Variants in LAMA2 observed in about 807,000 individuals in gnomAD.
LAMA2 encodes the protein laminin subunit alpha 2.
Under a neutral mutation model 364.8 loss-of-function variants are expected in LAMA2, and 269 were observed. That is an observed-to-expected ratio of 0.74 (90% CI 0.67 to 0.82). The LOEUF is 0.82. LAMA2 is among the 40% of genes least tolerant of loss of function. LAMA2 has a pLI of 0.00. For synonymous variants in LAMA2, 1,379 were observed against 1,370.6 expected (o/e 1.01, Z -0.14); for missense variants, 3,807 against 3,873.2 (o/e 0.98, Z 0.45).
chr6:129,233,546 A>G (rs1784803434), intron 12 of LAMA2, among the ~76,000 whole-genome samples: 1 of 152,170 alleles, frequency 6.6e-6, no homozygotes, highest in African/African-American at 2.4e-5. Flanking sequence ...ATTTGTGTTA[A>G]TCAAGTGAAA....
Position 129,177,716 on chromosome 6 carries a change from T to C in LAMA2, c.1317T>C (p.Pro439=), listed in dbSNP as rs972212894. The C allele has an allele frequency of 1.2e-6, 2 of 1,613,986 alleles. No homozygotes were observed. Among genetic ancestry groups the C allele is most frequent in the Non-Finnish European group, 8.5e-7 (1 of 1,179,910 alleles). ...DEKHARRGLA[P]GSCHCKTGFG... is the part of the protein sequence containing the mutation. ...CTCATCTTTCTTTAGGTTTGGCACC[T>C]GGATCCTGTCATTGCAAAACTGGTT... is the stretch of plus-strand genomic sequence containing the variant. Residue 439 remains proline (P), a synonymous_variant, in exon 10 of 65, where the codon CCT becomes CCC. Transcript: ENST00000421865.
intron 4 of LAMA2, among the ~76,000 whole-genome samples, chr6:129,114,068 T>C (rs1583065674): frequency 6.6e-6 from 1 of 151,960 alleles, no homozygotes; most frequent in South Asian, 2.1e-4. Context: ...ATACTAAAAT[T>C]TGTTTTAAAT....
At chr6:129,039,910 G>C (rs1026142447) in intron 1 of LAMA2, among the ~76,000 whole-genome samples, 3 of 152,178 alleles carry the variant, frequency 2.0e-5, no homozygotes, top group Admixed American at 6.5e-5. Flanking sequence ...GCCACAGGCT[G>C]GTACTGGTCT....
At chr6:129,033,492 T>C (rs1786384630) in intron 1 of LAMA2, among the ~76,000 whole-genome samples, 1 of 152,200 alleles carries the variant, frequency 6.6e-6, no homozygotes, top group African/African-American at 2.4e-5. Context: ...GCTCCTAGCA[T>C]AGCAATTAGT....
chr6:129,320,416 G>A, intron 27 of LAMA2, 122 bp from the exon 28 acceptor site: 2 of 748,836 alleles, frequency 2.7e-6, no homozygotes, highest in Non-Finnish European at 2.5e-6. Flanking sequence ...AAAACAAAAA[G>A]ACAATAGAAC....
At chr6:129,229,568 A>G (rs1349322114) in intron 12 of LAMA2, among the ~76,000 whole-genome samples, 1 of 152,194 alleles carries the variant, frequency 6.6e-6, no homozygotes, top group Non-Finnish European at 1.5e-5. Context: ...TAGGGTTAGT[A>G]TGATTGTTAC....
At chr6:128,987,140 G>GTTTTTTTTTTTTTT (rs764115716) in intron 1 of LAMA2, among the ~76,000 whole-genome samples, 7 of 121,358 alleles carry the variant, frequency 5.8e-5, no homozygotes, top group Non-Finnish European at 9.9e-5. Context: ...TTTTTTTTTT[G>GTTTTTTTTTTTTTT]TTTTTTTTTT....
intron 8 of LAMA2, among the ~76,000 whole-genome samples, chr6:129,159,482 G>A (rs1779331577): frequency 6.6e-6 from 1 of 152,206 alleles, no homozygotes. Flanking sequence ...GCCGGGGAGA[G>A]CGGCTTTCCT....
chr6:129,050,027 T>G lies in LAMA2; in HGVS notation c.222T>G (p.Pro74=). 1 of 1,614,156 alleles carries G rather than the reference T, an allele frequency of 6.2e-7. No individual in the cohort carries two copies. The highest frequency in any genetic ancestry group is 1.1e-5 in the South Asian group (1 of 91,078). The stretch of plus-strand genomic sequence containing the variant: ...ACTGCAAATTGGTAGAACATGTCCC[T>G]GGGCAGCCTGTGAGGAACCCGCAGT... ...EMYCKLVEHV[P]GQPVRNPQCR... is the part of the protein sequence containing the mutation. Residue 74 remains proline, a synonymous_variant, in exon 2 of 65, where the codon CCT becomes CCG. Coordinates refer to ENST00000421865, the MANE Select transcript of LAMA2 (RefSeq NM_000426.4).
chr6:128,978,711 G>A (rs1309324702), intron 1 of LAMA2, among the ~76,000 whole-genome samples: 1 of 152,184 alleles, frequency 6.6e-6, no homozygotes, highest in African/African-American at 2.4e-5. Flanking sequence ...CATTTGACTT[G>A]AGAAAAGATA....
chr6:128,986,712 ACAAT>A (rs1783260701), intron 1 of LAMA2, among the ~76,000 whole-genome samples: 1 of 152,178 alleles, frequency 6.6e-6, no homozygotes, highest in South Asian at 2.1e-4. Flanking sequence ...CTAGGCATCT[ACAAT>A]CAAATTACCT....
chr6:129,101,902 G>C (rs1052948435), intron 4 of LAMA2, among the ~76,000 whole-genome samples: 2 of 151,972 alleles, frequency 1.3e-5, no homozygotes, highest in Non-Finnish European at 2.9e-5. Flanking sequence ...AAAATGACTT[G>C]GAACTTTTTA....
At chr6:129,075,568 A>T (rs1362050971) in intron 3 of LAMA2, among the ~76,000 whole-genome samples, 1 of 152,190 alleles carries the variant, frequency 6.6e-6, no homozygotes, top group Non-Finnish European at 1.5e-5. Flanking sequence ...GATGATGGTA[A>T]CTTGGAATAG....
rs1774903108 is a variant in LAMA2 at position 129,320,546 on chromosome 6, A to G, written c.4067A>G (p.Glu1356Gly). ...ATTCTCGCTGTTTCTAGGATTTCTG[A>G]AATCTCAATGGAGGTAGCTGAACAA... ...GNFMRQSRIS[E>G]ISMEVAEQGR... The change falls in exon 28 of 65, where the codon GAA (glutamate) becomes GGA (glycine). Residue 1356 changes from glutamate (E) to glycine (G), a missense_variant. Glu to Gly is a moderately conservative substitution (Grantham distance 98, BLOSUM62 -2). Around this residue, in one of 3 missense-constraint regions of LAMA2, gnomAD observed 3,333 missense variants for 3,345.7 expected, o/e 1.00. Coordinates refer to ENST00000421865, the MANE Select transcript of LAMA2 (RefSeq NM_000426.4). 4 of 1,600,584 alleles carry G rather than the reference A, an allele frequency of 2.5e-6. No homozygotes were observed. Among genetic ancestry groups the G allele is most frequent in the Non-Finnish European group, 3.4e-6 (4 of 1,167,658 alleles).
At chr6:128,969,983 G>A (rs562381900) in intron 1 of LAMA2, among the ~76,000 whole-genome samples, 1 of 152,068 alleles carries the variant, frequency 6.6e-6, no homozygotes, top group African/African-American at 2.4e-5. Flanking sequence ...CAGAATCTGG[G>A]TTAAAATCAG....
chr6:129,143,906 C>T lies in LAMA2; in HGVS notation c.645C>T (p.His215=), dbSNP rs1778269547. 1.3e-6 allele frequency: 2 copies of T among 1,593,034 alleles called. No individual in the cohort carries two copies. Among genetic ancestry groups the T allele is most frequent in the Middle Eastern group, 1.7e-4 (1 of 6,050 alleles). ...TTATTTTTCATATTGTGTAGATTCA[C>T]ATCTCTTTAATCAATGGGAGACCAA... ...KIHPLENGEI[H]ISLINGRPSA... Residue 215 remains histidine, a synonymous_variant, in exon 5 of 65, where the codon CAC becomes CAT. Transcript: ENST00000421865.
intron 1 of LAMA2, among the ~76,000 whole-genome samples, chr6:128,906,054 T>A (rs1777441712): frequency 6.7e-6 from 1 of 149,776 alleles, no homozygotes; most frequent in African/African-American, 2.5e-5. Flanking sequence ...TTTGGGTTGG[T>A]TCCAAGTCTT....
At chr6:128,929,395 G>A (rs545460940) in intron 1 of LAMA2, 94 of 918,538 alleles carry the variant, frequency 1.0e-4, no homozygotes, top group Non-Finnish European at 1.7e-4. Flanking sequence ...ATGTGAGGAT[G>A]AGTGATAGCA....
chr6:129,234,418 TGA>T (rs1255802342), intron 12 of LAMA2, among the ~76,000 whole-genome samples: 1 of 152,190 alleles, frequency 6.6e-6, no homozygotes, highest in Non-Finnish European at 1.5e-5. Context: ...CTGAATTTCT[TGA>T]GTTTTTTACT....
Sources: gnomAD v4.1 joint callset for allele counts (sites outside exome capture counted in the v4.1 genomes callset) on GRCh38, gnomAD v4.1.1 for gene constraint, gnomAD v4.1.1 regional missense constraint, MANE v1.5 for transcripts, NCBI Gene and HGNC (gene_info 2026-07-23, HGNC 2026-07-21) for gene names.